The following NPM1 variants were observed in gnomAD, a reference collection of about 807,000 sequenced individuals.
NPM1 encodes the protein nucleophosmin 1.
Under a neutral mutation model 44.1 loss-of-function variants are expected in NPM1, and 1 was observed. The observed-to-expected ratio is 0.02, with a 90% CI of 0.01 to 0.11. NPM1 has a LOEUF of 0.11. NPM1 is among the 10% of genes least tolerant of loss of function. The pLI is 1.00. For synonymous variants in NPM1, 126 were observed against 111.8 expected, an observed-to-expected ratio of 1.13 and a Z score of -0.80; for missense variants, 197 against 347.8, an observed-to-expected ratio of 0.57 and a Z score of 3.45.
intron 6 of NPM1, 104 bp downstream of exon 6, chr5:171,393,082 A>C: frequency 4.9e-6 from 7 of 1,421,370 alleles, no homozygotes; most frequent in Non-Finnish European, 6.6e-6. Context: ...ATTTACAAAA[A>C]GCCATCCTAT....
intron 6 of NPM1, among the ~76,000 whole-genome samples, chr5:171,395,440 C>T (rs1770830834): frequency 6.6e-6 from 1 of 152,100 alleles, no homozygotes; most frequent in African/African-American, 2.4e-5. Context: ...GCTTGGATTA[C>T]AGGCACTTGC....
At chr5:171,388,088 G>A (rs977567295) in intron 1 of NPM1, 82 bp downstream of exon 1, 6 of 1,155,274 alleles carry the variant, frequency 5.2e-6, no homozygotes, top group Non-Finnish European at 6.4e-6. Context: ...GAATCCGGCT[G>A]CAACCGGGTC....
At chr5:171,401,441 A>G (rs1771195189) in intron 8 of NPM1, among the ~76,000 whole-genome samples, 1 of 151,952 alleles carries the variant, frequency 6.6e-6, no homozygotes, top group Non-Finnish European at 1.5e-5. Context: ...GGGAGCCAAT[A>G]GACTTTTTTG....
chr5:171,390,754 C>T (rs747958699), intron 2 of NPM1, among the ~76,000 whole-genome samples: 7 of 151,562 alleles, frequency 4.6e-5, no homozygotes, highest in African/African-American at 7.3e-5. Flanking sequence ...GAGGCAGTCT[C>T]GCTCTGTCAC....
chr5:171,404,820 C>T (rs1393875718), intron 8 of NPM1, among the ~76,000 whole-genome samples: 5 of 151,658 alleles, frequency 3.3e-5, no homozygotes, highest in Non-Finnish European at 5.9e-5. Context: ...GCCGAGATCA[C>T]GCCACTGCAC....
At chr5:171,408,701 T>C (rs1771685092) in intron 10 of NPM1, among the ~76,000 whole-genome samples, 1 of 152,220 alleles carries the variant, frequency 6.6e-6, no homozygotes. Context: ...GTGTGAGTTT[T>C]GGGAGTTTAT....
At chr5:171,390,678 A>G (rs189628936) in intron 2 of NPM1, among the ~76,000 whole-genome samples, 17 of 152,198 alleles carry the variant, frequency 1.1e-4, no homozygotes, top group Admixed American at 5.9e-4. Flanking sequence ...CGCATATACA[A>G]TGGTGGTCCC....
At chr5:171,390,634 T>G (rs1770523883) in intron 2 of NPM1, among the ~76,000 whole-genome samples, 2 of 152,212 alleles carry the variant, frequency 1.3e-5, no homozygotes, top group South Asian at 4.1e-4. Context: ...CACAGTCATG[T>G]GCCTCATTGC....
chr5:171,395,950 TAAGTA>T (rs1449775413), intron 6 of NPM1, among the ~76,000 whole-genome samples: 4 of 147,908 alleles, frequency 2.7e-5, no homozygotes, highest in Admixed American at 7.0e-5. Context: ...GGGAATTTCT[TAAGTA>T]AAGCTGAATT....
At chr5:171,405,431 T>C (rs1339316771) in intron 9 of NPM1, 28 bp downstream of exon 9, 1 of 1,013,122 alleles carries the variant, frequency 9.9e-7, no homozygotes, top group Admixed American at 2.0e-5. Context: ...AAAAAAACTT[T>C]GTCTCCCCCC....
intron 1 of NPM1, among the ~76,000 whole-genome samples, chr5:171,389,685 A>T (rs1770472149): frequency 6.6e-6 from 1 of 152,212 alleles, no homozygotes. Context: ...TTGGGAATTT[A>T]GGTAGGTAAA....
rs1770314713 is a variant in NPM1, at chr5:171,387,859, T to G, written c.-90T>G. On this transcript the variant is annotated 5_prime_UTR_variant, in exon 1 of 11. Transcript: ENST00000296930. ...CGGGGAGCCTGCGTCCTTTCCCTGGTGTGATTCCGTCCTGCGCGGTTGTTC... is the reference window on the plus strand; with the variant it reads ...CGGGGAGCCTGCGTCCTTTCCCTGGGGTGATTCCGTCCTGCGCGGTTGTTC... The G allele has an allele frequency of 2.5e-6, 3 of 1,210,920 alleles. No homozygotes were observed. The highest frequency in any genetic ancestry group is 3.7e-6 in the Non-Finnish European group (3 of 820,634). The allele number at this position is 1,210,920 out of a possible 1,614,324, so 75.0% of individuals were successfully genotyped here. A position where few individuals can be genotyped will look rare whatever the true frequency, so the allele number is the denominator to read the frequency against.
At chr5:171,390,336 A>T (rs1292316152) in intron 2 of NPM1, among the ~76,000 whole-genome samples, 1 of 152,218 alleles carries the variant, frequency 6.6e-6, no homozygotes, top group East Asian at 1.9e-4. Context: ...TGTAAATTCC[A>T]GTCACACTGT....
At chr5:171,398,189 T>G (rs1412820327) in intron 6 of NPM1, among the ~76,000 whole-genome samples, 1 of 152,280 alleles carries the variant, frequency 6.6e-6, no homozygotes, top group Non-Finnish European at 1.5e-5. Flanking sequence ...TTCATGATGG[T>G]GGCCTTTGAA....
chr5:171,389,976 C>T (rs1770488885), intron 1 of NPM1, 75 bp from the exon 2 acceptor site: 2 of 842,152 alleles, frequency 2.4e-6, no homozygotes, highest in Middle Eastern at 3.4e-4. Context: ...TTAGACCTGA[C>T]CTTTTTGGTT....
In NPM1 at chr5:171,400,904, A is replaced by G. The variant is rs777747760; in HGVS notation, c.648A>G (p.Pro216=). The G allele has an allele frequency of 2.5e-6, 4 of 1,611,870 alleles. No individual in the cohort carries two copies. The highest frequency in any genetic ancestry group is 2.5e-6 in the Non-Finnish European group (3 of 1,178,754). The change falls in exon 8 of 11, where the codon CCA becomes CCG. Residue 216 remains proline, a synonymous_variant. Coordinates refer to ENST00000296930, the MANE Select transcript of NPM1 (RefSeq NM_002520.7). The part of the protein sequence containing the change: ...KSNQNGKDSK[P]SSTPRSKGQE... ...ATCAGAATGGAAAAGACTCAAAACC[A>G]TCATCAACACCAAGATCAAAAGTAA...
intron 9 of NPM1, 112 bp from the exon 10 acceptor site, chr5:171,407,588 A>G: frequency 1.4e-6 from 1 of 708,286 alleles, no homozygotes; most frequent in South Asian, 1.6e-5. Context: ...GTTGAAGGGA[A>G]AAAGAATAAA....
In NPM1 at chr5:171,397,941, C is replaced by A. The variant is rs903712709; in HGVS notation, c.525-2212C>A. On this transcript the variant is annotated intron_variant, in intron 6 of 10. Transcript: ENST00000296930. Reference sequence around the variant, plus strand: ...AGTAGTTGGGATTACAGGCACCCCCCCCACCACGCCCGGCTAATTTTCTGT... The same window carrying A: ...AGTAGTTGGGATTACAGGCACCCCCACCACCACGCCCGGCTAATTTTCTGT... Among the ~76,000 whole-genome samples, 14 of 151,378 alleles carry A rather than the reference C, an allele frequency of 9.2e-5. No individual in the cohort carries two copies. The East Asian group carries it at 1.4e-3, about 15-fold the overall frequency.
At chr5:171,403,930 T>C (rs1771406438) in intron 8 of NPM1, among the ~76,000 whole-genome samples, 1 of 60,510 alleles carries the variant, frequency 1.7e-5, no homozygotes, top group Admixed American at 1.5e-4. Context: ...CCCACCTCCC[T>C]CCCGGACGGG....
Sources: gnomAD v4.1 joint callset for allele counts (sites outside exome capture counted in the v4.1 genomes callset) on GRCh38, gnomAD v4.1.1 for gene constraint, MANE v1.5 for transcripts, NCBI Gene and HGNC (gene_info 2026-07-23, HGNC 2026-07-21) for gene names.